Variants in ZNF560 observed in about 807,000 individuals in gnomAD.
ZNF560 encodes zinc finger protein 560.
Under a neutral mutation model 81.8 loss-of-function variants are expected in ZNF560, and 54 were observed. The observed-to-expected ratio is 0.66, with a 90% CI of 0.53 to 0.83. The LOEUF (loss-of-function observed/expected upper bound fraction) is 0.83. ZNF560 is among the 40% of genes least tolerant of loss of function. The pLI is 0.00. For synonymous variants in ZNF560, 321 were observed against 317.9 expected (o/e 1.01, Z -0.10); for missense variants, 940 against 932.4 (o/e 1.01, Z -0.11).
intron 2 of ZNF560, 126 bp from the exon 3 acceptor site, chr19:9,475,495 T>C (rs2073186352): frequency 3.4e-6 from 2 of 593,964 alleles, no homozygotes; most frequent in South Asian, 4.4e-5. Context: ...AAATATACAT[T>C]ACATCCATAA....
At chr19:9,453,591 A>T in the ZNF560 span, among the ~76,000 whole-genome samples, 1 of 152,210 alleles carries the variant, frequency 6.6e-6, no homozygotes, top group Non-Finnish European at 1.5e-5. Context: ...ACCTATAAAA[A>T]CAACTCTTGC....
chr19:9,456,318 A>G, the ZNF560 span, among the ~76,000 whole-genome samples: 1 of 152,220 alleles, frequency 6.6e-6, no homozygotes, highest in Non-Finnish European at 1.5e-5. Flanking sequence ...ATTTAAAAGG[A>G]GTGCAGGTTC....
chr19:9,503,258 C>T (rs1376186358), upstream of ZNF560, among the ~76,000 whole-genome samples: 2 of 152,116 alleles, frequency 1.3e-5, no homozygotes, highest in African/African-American at 4.8e-5. Flanking sequence ...TGAGCACTCT[C>T]TTCATTGCAT....
At chr19:9,483,294 G>A (rs1292016146) in intron 2 of ZNF560, among the ~76,000 whole-genome samples, 1 of 148,904 alleles carries the variant, frequency 6.7e-6, no homozygotes, top group Non-Finnish European at 1.5e-5. Context: ...GGGATGTGAG[G>A]AGCGCCTCTG....
At chr19:9,463,269 A>G (rs566913017), downstream of ZNF560, among the ~76,000 whole-genome samples, 7 of 152,286 alleles carry the variant, frequency 4.6e-5, no homozygotes, top group South Asian at 2.1e-4. Flanking sequence ...TAAAAAAAAT[A>G]AAAAAGGAAA....
intron 2 of ZNF560, among the ~76,000 whole-genome samples, chr19:9,488,354 G>A (rs941418041): frequency 5.9e-5 from 9 of 152,086 alleles, no homozygotes; most frequent in African/African-American, 2.2e-4. Flanking sequence ...TTATGTCATA[G>A]CAATAATAAA....
rs1236719007 is a variant in ZNF560 at position 9,467,664 on chromosome 19, C to G, written c.1283G>C (p.Arg428Thr). ...GLIEHIRCHA[R>T]EKTFKCDHCG... Reference sequence around the variant, plus strand: ...GTGGTCACATTTAAAGGTTTTCTCTCTGGCGTGACATCTTATATGTTCAAT... The same window carrying G: ...GTGGTCACATTTAAAGGTTTTCTCTGTGGCGTGACATCTTATATGTTCAAT... Residue 428 changes from arginine to threonine, a missense_variant, in exon 10 of 10, where the codon AGA (arginine) becomes ACA (threonine). By Grantham distance (71) the Arg-to-Thr change is moderately conservative. Transcript: ENST00000301480. 6.2e-7 allele frequency: 1 copy of G among 1,614,070 alleles called. No individual in the cohort carries two copies.
intron 2 of ZNF560, among the ~76,000 whole-genome samples, chr19:9,494,007 C>T (rs2073513823): frequency 6.6e-6 from 1 of 151,586 alleles, no homozygotes; most frequent in Non-Finnish European, 1.5e-5. Flanking sequence ...GTGGTGTGCA[C>T]CTGTAATCCC....
chr19:9,484,819 T>A, intron 2 of ZNF560, among the ~76,000 whole-genome samples: 1 of 135,650 alleles, frequency 7.4e-6, no homozygotes. Context: ...TAAATAAAAT[T>A]AAGCCTTTAA....
chr19:9,497,357 A>T (rs2073576636), intron 2 of ZNF560, among the ~76,000 whole-genome samples: 1 of 152,042 alleles, frequency 6.6e-6, no homozygotes, highest in Non-Finnish European at 1.5e-5. Context: ...TATCACGGTG[A>T]AACCCCATCT....
Position 9,471,292 on chromosome 19 carries a change from T to C in ZNF560, c.321+4A>G. ...AAATAAGAAATACCCTTTCTTAACA[T>C]TACCATTTGTATCCCATTAGAAGTT... On this transcript the variant is annotated splice_donor_region_variant and intron_variant, in intron 6 of 9. Transcript: ENST00000301480. 1 of 1,574,100 alleles carries C rather than the reference T, an allele frequency of 6.4e-7. No homozygotes were observed. The highest frequency in any genetic ancestry group is 8.6e-7 in the Non-Finnish European group (1 of 1,163,344).
At chr19:9,469,778 C>T (rs960676153) in intron 7 of ZNF560, 68 bp from the exon 8 acceptor site, 11 of 1,327,786 alleles carry the variant, frequency 8.3e-6, no homozygotes, top group Non-Finnish European at 1.2e-5. Flanking sequence ...TTCCATGAAA[C>T]AGGGACTACG....
chr19:9,452,765 G>A, the ZNF560 span, among the ~76,000 whole-genome samples: 2 of 152,178 alleles, frequency 1.3e-5, no homozygotes, highest in South Asian at 4.1e-4. Context: ...GGAGGCTGGG[G>A]GAAGAGGAGA....
chr19:9,488,110 T>C (rs1338017748), intron 2 of ZNF560, among the ~76,000 whole-genome samples: 2 of 152,094 alleles, frequency 1.3e-5, no homozygotes, highest in Admixed American at 6.5e-5. Flanking sequence ...GAATTTTAGC[T>C]CACACAGGAC....
At chr19:9,500,248 G>T (rs1427704258), upstream of ZNF560, among the ~76,000 whole-genome samples, 2 of 151,936 alleles carry the variant, frequency 1.3e-5, no homozygotes, top group Non-Finnish European at 2.9e-5. Flanking sequence ...AGCCAGGCGT[G>T]GTGGTTGGCA....
At chr19:9,447,451 A>G in the ZNF560 span, among the ~76,000 whole-genome samples, 1 of 152,188 alleles carries the variant, frequency 6.6e-6, no homozygotes, top group African/African-American at 2.4e-5. Context: ...AAGCTCAGCT[A>G]GATCCAAGAC....
At chr19:9,504,326 T>C in the ZNF560 span, among the ~76,000 whole-genome samples, 139 of 152,168 alleles carry the variant, frequency 9.1e-4, no homozygotes, top group Non-Finnish European at 7.8e-4. Flanking sequence ...TCCCAGCTAC[T>C]TGGGAGGCTG....
chr19:9,474,440 T>A, intron 3 of ZNF560, 115 bp from the exon 4 acceptor site: 1 of 1,168,384 alleles, frequency 8.6e-7, no homozygotes, highest in Non-Finnish European at 1.2e-6. Context: ...TCTCATTATC[T>A]ACCCAAAGCT....
chr19:9,491,011 C>T (rs1031359776), intron 2 of ZNF560, among the ~76,000 whole-genome samples: 3 of 152,152 alleles, frequency 2.0e-5, no homozygotes, highest in African/African-American at 4.8e-5. Context: ...ATATTTTGTA[C>T]ATGATATCCC....
Sources: gnomAD v4.1 joint callset for allele counts (sites outside exome capture counted in the v4.1 genomes callset) on GRCh38, gnomAD v4.1.1 for gene constraint, MANE v1.5 for transcripts, NCBI Gene and HGNC (gene_info 2026-07-23, HGNC 2026-07-21) for gene names.